Variants in LNP1 observed in about 807,000 individuals in gnomAD.
The protein encoded by LNP1 is leukemia NUP98 fusion partner 1.
A neutral mutation model predicts 14.5 loss-of-function variants in LNP1; 12 were observed. That is an observed-to-expected ratio of 0.83 (90% CI 0.53 to 1.34). LNP1 has a LOEUF of 1.34. Ranked by LOEUF, LNP1 falls within the 40% of genes most tolerant of loss-of-function variation. The pLI is 0.00. For missense variants in LNP1, 198 were observed against 210.9 expected (o/e 0.94, Z 0.38); for synonymous variants, 75 against 71.4 (o/e 1.05, Z -0.26).
intron 2 of LNP1, among the ~76,000 whole-genome samples, chr3:100,443,919 T>C (rs923232322): frequency 1.3e-5 from 2 of 152,220 alleles, no homozygotes; most frequent in Non-Finnish European, 2.9e-5. Flanking sequence ...GAGTATACTT[T>C]ACTCAGTTGT....
At chr3:100,448,634 G>C (rs978471541) in intron 2 of LNP1, among the ~76,000 whole-genome samples, 1 of 152,102 alleles carries the variant, frequency 6.6e-6, no homozygotes, top group African/African-American at 2.4e-5. Flanking sequence ...TTTAAAGTTA[G>C]CTTACTTATT....
chr3:100,434,109 C>T (rs1166695180), intron 2 of LNP1, among the ~76,000 whole-genome samples: 1 of 152,136 alleles, frequency 6.6e-6, no homozygotes, highest in Non-Finnish European at 1.5e-5. Context: ...GTTGCAATTG[C>T]TTTTGGTGTT....
At chr3:100,425,063 A>G (rs1707179893) in intron 1 of LNP1, among the ~76,000 whole-genome samples, 1 of 152,206 alleles carries the variant, frequency 6.6e-6, no homozygotes, top group Non-Finnish European at 1.5e-5. Flanking sequence ...AGTAAATTGA[A>G]GCTGACCTGC....
At chr3:100,415,996 GAT>G (rs1559840535) in intron 1 of LNP1, among the ~76,000 whole-genome samples, 1 of 152,020 alleles carries the variant, frequency 6.6e-6, no homozygotes, top group African/African-American at 2.4e-5. Flanking sequence ...AGCAAAAATT[GAT>G]ATGTTTTCTA....
chr3:100,417,521 C>T (rs2148900644), intron 1 of LNP1, among the ~76,000 whole-genome samples: 1 of 150,884 alleles, frequency 6.6e-6, no homozygotes, highest in East Asian at 2.0e-4. Flanking sequence ...GATTACAGGC[C>T]CACGCCACCA....
rs1304677734 is a variant in LNP1 at position 100,456,022 on chromosome 3, TG to T, written c.*101del. ...TTCAGGATGTGGATGGGGGCGGGGT[TG>T]GGGGTAAAAACAGCTATAAAAAGCA... On this transcript the variant is annotated 3_prime_UTR_variant, in exon 4 of 4. Coordinates refer to ENST00000383693, the MANE Select transcript of LNP1 (RefSeq NM_001085451.2). The T allele has an allele frequency of 2.0e-5, 28 of 1,393,476 alleles. No individual in the cohort carries two copies. In the East Asian group the frequency reaches 6.2e-4, roughly 31 times the overall value. The allele number at this position is 1,393,476 out of a possible 1,614,324, so 86.3% of individuals were successfully genotyped here.
chr3:100,427,735 G>A (rs1707207586), intron 1 of LNP1, among the ~76,000 whole-genome samples: 1 of 152,110 alleles, frequency 6.6e-6, no homozygotes, highest in Non-Finnish European at 1.5e-5. Flanking sequence ...AATGGAAAAG[G>A]CATATGGGGT....
intron 2 of LNP1, among the ~76,000 whole-genome samples, chr3:100,437,052 C>A (rs1707300111): frequency 6.6e-6 from 1 of 152,204 alleles, no homozygotes; most frequent in African/African-American, 2.4e-5. Context: ...CTGTGAGAAA[C>A]AAATTTCTGT....
intron 3 of LNP1, among the ~76,000 whole-genome samples, chr3:100,452,354 C>T (rs1707468519): frequency 6.6e-6 from 1 of 151,714 alleles, no homozygotes; most frequent in African/African-American, 2.4e-5. Flanking sequence ...AGGCATGTGC[C>T]ACCATGCCCG....
chr3:100,412,830 T>C (rs974886996), intron 1 of LNP1, among the ~76,000 whole-genome samples: 6 of 152,236 alleles, frequency 3.9e-5, no homozygotes, highest in Non-Finnish European at 2.9e-5. Context: ...AGGGAGCATG[T>C]TCTAGTCATC....
At chr3:100,438,362 G>T (rs1707311530) in intron 2 of LNP1, among the ~76,000 whole-genome samples, 1 of 152,128 alleles carries the variant, frequency 6.6e-6, no homozygotes, top group African/African-American at 2.4e-5. Flanking sequence ...AAGGTACAGA[G>T]ATTTTCCATA....
Position 100,433,979 on chromosome 3 carries a change from G to C in LNP1, c.156+4094G>C, listed in dbSNP as rs990976476. Among the ~76,000 whole-genome samples the C allele has an allele frequency of 5.9e-5, 9 of 152,288 alleles. No homozygotes were observed. In the South Asian group the frequency reaches 1.2e-3, roughly 21 times the overall value. ...TCTGGATATTAGACTTTTGTTAGAT[G>C]AGTAGATTGCAAACATTTTCCCCCA... On this transcript the variant is annotated intron_variant, in intron 2 of 3. Coordinates refer to ENST00000383693, the MANE Select transcript of LNP1 (RefSeq NM_001085451.2).
intron 2 of LNP1, among the ~76,000 whole-genome samples, chr3:100,443,844 C>T (rs952594082): frequency 7.2e-5 from 11 of 152,164 alleles, no homozygotes; most frequent in South Asian, 4.1e-4. Context: ...TACTCCCAAA[C>T]AGTTTCCAAA....
rs76250096 is a variant in LNP1 at position 100,456,206 on chromosome 3, A to G, written c.*280A>G. On this transcript the variant is annotated 3_prime_UTR_variant, in exon 4 of 4. Transcript: ENST00000383693. ...AGAATAAAAGGTATTTTAATAGAAT[A>G]AAGAAAAATTTGAAAATATAATGGA... 1,865 of 249,744 alleles carry G rather than the reference A, an allele frequency of 7.5e-3. 32 individuals carry two copies. Among genetic ancestry groups the G allele is most frequent in the African/African-American group, 0.039 (1,764 of 45,040 alleles). 15.5% of individuals were successfully genotyped at this position (249,744 alleles called of 1,614,324 possible). A position where few individuals can be genotyped will look rare whatever the true frequency, so the allele number is the denominator to read the frequency against.
chr3:100,455,841 A>G lies in LNP1; in HGVS notation c.452A>G (p.Lys151Arg). ...ECLRMEIKSR[K>R]KVEEERSSRK... ...CTGAGGATGGAGATAAAATCCCGAA[A>G]GAAAGTAGAGGAAGAAAGGAGCTCT... The change falls in exon 4 of 4, where the codon AAG becomes AGG. Residue 151 changes from lysine to arginine, a missense_variant. Physicochemically the swap from Lys to Arg is conservative, Grantham distance 26 (BLOSUM62 2). Coordinates refer to ENST00000383693, the MANE Select transcript of LNP1 (RefSeq NM_001085451.2). 5 of 1,614,144 alleles carry G rather than the reference A, an allele frequency of 3.1e-6. No individual in the cohort carries two copies. The highest frequency in any genetic ancestry group is 4.2e-6 in the Non-Finnish European group (5 of 1,179,954).
intron 1 of LNP1, among the ~76,000 whole-genome samples, chr3:100,429,057 A>C (rs1707220123): frequency 6.6e-6 from 1 of 152,226 alleles, no homozygotes; most frequent in South Asian, 2.1e-4. Flanking sequence ...TGTATATAAA[A>C]ATTCATCAAG....
intron 2 of LNP1, among the ~76,000 whole-genome samples, chr3:100,441,738 C>A (rs761743735): frequency 6.6e-6 from 1 of 152,094 alleles, no homozygotes; most frequent in African/African-American, 2.4e-5. Context: ...TCTCAGCTCA[C>A]TGCAACCTCC....
chr3:100,424,931 A>G (rs1707178044), intron 1 of LNP1, among the ~76,000 whole-genome samples: 2 of 152,218 alleles, frequency 1.3e-5, no homozygotes, highest in South Asian at 4.1e-4. Flanking sequence ...GCCAATTAAA[A>G]CAAATCCCAT....
At chr3:100,446,199 A>G (rs1707385250) in intron 2 of LNP1, among the ~76,000 whole-genome samples, 1 of 152,240 alleles carries the variant, frequency 6.6e-6, no homozygotes. Context: ...ACTTCAAACT[A>G]TACTACAAGG....
Sources: gnomAD v4.1 joint callset for allele counts (sites outside exome capture counted in the v4.1 genomes callset) on GRCh38, gnomAD v4.1.1 for gene constraint, MANE v1.5 for transcripts, NCBI Gene and HGNC (gene_info 2026-07-23, HGNC 2026-07-21) for gene names.